The following ABTB3 variants were observed in gnomAD, a reference collection of about 807,000 sequenced individuals.
ABTB3 encodes the protein ankyrin repeat- and BTB/POZ domain-containing protein 3.
the ABTB3 span, among the ~76,000 whole-genome samples, chr12:107,548,404 TCCTTTCTTGTCAGAACAG>T: frequency 1.3e-5 from 2 of 152,252 alleles, no homozygotes; most frequent in African/African-American, 4.8e-5. Flanking sequence ...CCTCAAACCA[TCCTTTCTTGTCAGAACAG>T]CCTTTCTTGG....
At chr12:107,450,387 C>T in the ABTB3 span, among the ~76,000 whole-genome samples, 6 of 152,008 alleles carry the variant, frequency 3.9e-5, no homozygotes, top group African/African-American at 9.7e-5. Context: ...TTAGATGACA[C>T]GGGAGCCTTC....
the ABTB3 span, among the ~76,000 whole-genome samples, chr12:107,424,144 C>CA: frequency 6.6e-6 from 1 of 152,116 alleles, no homozygotes; most frequent in South Asian, 2.1e-4. Flanking sequence ...ATAACAACAA[C>CA]AAAAAACAAA....
the ABTB3 span, among the ~76,000 whole-genome samples, chr12:107,588,646 G>C: frequency 3.9e-5 from 6 of 152,142 alleles, no homozygotes; most frequent in African/African-American, 1.4e-4. Flanking sequence ...ACAGCCTCCT[G>C]AGTAGCTGGG....
the ABTB3 span, among the ~76,000 whole-genome samples, chr12:107,601,561 G>T: frequency 4.6e-5 from 7 of 152,306 alleles, no homozygotes; most frequent in Admixed American, 4.6e-4. Context: ...CCAAGCAGCA[G>T]CAGCAGCCCA....
the ABTB3 span, among the ~76,000 whole-genome samples, chr12:107,611,743 T>C: frequency 6.6e-6 from 1 of 152,254 alleles, no homozygotes; most frequent in East Asian, 1.9e-4. Flanking sequence ...TTTGTTTCCT[T>C]TTACACACCC....
the ABTB3 span, among the ~76,000 whole-genome samples, chr12:107,619,076 G>A: frequency 6.6e-6 from 1 of 152,178 alleles, no homozygotes; most frequent in South Asian, 2.1e-4. Context: ...TAAACACAGG[G>A]TGTGGCAGAT....
At chr12:107,469,997 T>TC in the ABTB3 span, among the ~76,000 whole-genome samples, 3 of 103,852 alleles carry the variant, frequency 2.9e-5, no homozygotes, top group Admixed American at 9.4e-5. Flanking sequence ...TCTTTCTTTC[T>TC]TTCTTTCTTT....
the ABTB3 span, among the ~76,000 whole-genome samples, chr12:107,637,253 G>A: frequency 2.6e-5 from 4 of 152,134 alleles, no homozygotes; most frequent in African/African-American, 9.7e-5. Flanking sequence ...TTATCCGGAC[G>A]CAATGGCGCA....
chr12:107,486,023 G>A, the ABTB3 span, among the ~76,000 whole-genome samples: 5 of 152,188 alleles, frequency 3.3e-5, no homozygotes, highest in Non-Finnish European at 7.3e-5. Context: ...TCCCAATAAT[G>A]TGCTTGACCT....
the ABTB3 span, among the ~76,000 whole-genome samples, chr12:107,442,715 C>G: frequency 1.2e-4 from 19 of 152,236 alleles, no homozygotes; most frequent in African/African-American, 4.6e-4. Context: ...CAGGGGGACT[C>G]TTAAGTAAGG....
chr12:107,424,081 T>G, the ABTB3 span, among the ~76,000 whole-genome samples: 2 of 152,202 alleles, frequency 1.3e-5, no homozygotes, highest in African/African-American at 4.8e-5. Context: ...ACTCAGCTAA[T>G]GCCATTACCT....
the ABTB3 span, among the ~76,000 whole-genome samples, chr12:107,548,933 A>T: frequency 6.6e-6 from 1 of 152,208 alleles, no homozygotes. Flanking sequence ...TTGTTGCCTC[A>T]GGTAGCTAGC....
At chr12:107,456,423 C>A in the ABTB3 span, among the ~76,000 whole-genome samples, 2 of 152,202 alleles carry the variant, frequency 1.3e-5, no homozygotes, top group South Asian at 4.1e-4. Flanking sequence ...TGGCACGAAC[C>A]GTATTGTGAA....
chr12:107,462,106 T>C, the ABTB3 span, among the ~76,000 whole-genome samples: 1 of 152,194 alleles, frequency 6.6e-6, no homozygotes, highest in Non-Finnish European at 1.5e-5. Flanking sequence ...AGAAATTCCT[T>C]AGTAGAAAAG....
At chr12:107,358,486 A>T in the ABTB3 span, among the ~76,000 whole-genome samples, 2 of 152,234 alleles carry the variant, frequency 1.3e-5, no homozygotes, top group Admixed American at 1.3e-4. Context: ...TCAGACAGGT[A>T]ATGGGGTGGA....
At chr12:107,361,284 G>GT in the ABTB3 span, among the ~76,000 whole-genome samples, 1 of 151,872 alleles carries the variant, frequency 6.6e-6, no homozygotes, top group East Asian at 1.9e-4. Context: ...ATGCATTTAC[G>GT]TTTTTTCCTT....
chr12:107,432,504 C>T, the ABTB3 span, among the ~76,000 whole-genome samples: 1 of 152,168 alleles, frequency 6.6e-6, no homozygotes, highest in Non-Finnish European at 1.5e-5. Context: ...AGCTGGTTCC[C>T]AGTGCACTGA....
chr12:107,634,379 A>G, the ABTB3 span, among the ~76,000 whole-genome samples: 4 of 152,228 alleles, frequency 2.6e-5, no homozygotes, highest in Non-Finnish European at 5.9e-5. Flanking sequence ...CTATTTTTTT[A>G]GATCTTTTTC....
At chr12:107,491,600 A>T in the ABTB3 span, among the ~76,000 whole-genome samples, 1 of 152,144 alleles carries the variant, frequency 6.6e-6, no homozygotes, top group Non-Finnish European at 1.5e-5. Context: ...AGATAGGCAG[A>T]TCACTGGAGG....
Sources: allele counts gnomAD v4.1 joint callset (sites outside exome capture counted in the v4.1 genomes callset), GRCh38; gene constraint gnomAD v4.1.1; transcripts MANE v1.5; gene names NCBI Gene and HGNC (gene_info 2026-07-23, HGNC 2026-07-21).